The following OR5P3 variants were observed in gnomAD, a reference collection of about 807,000 sequenced individuals.
OR5P3 encodes olfactory receptor family 5 subfamily P member 3.
For synonymous variants in OR5P3, 172 were observed against 141.8 expected, an observed-to-expected ratio of 1.21 and a Z score of -1.51; for missense variants, 415 against 375.6, an observed-to-expected ratio of 1.10 and a Z score of -0.87.
At position 7,825,939 on chromosome 11, in the gene OR5P3, A is replaced by T. The variant is rs1229502677; in HGVS notation, c.34T>A (p.Phe12Ile). 3.8e-6 allele frequency: 6 copies of T among 1,584,552 alleles called. No individual in the cohort carries two copies. In the East Asian group the frequency reaches 1.3e-4, roughly 35 times the overall value. Residue 12 changes from phenylalanine (F) to isoleucine (I), a missense_variant, in exon 2 of 2, where the codon TTT (phenylalanine) becomes ATT (isoleucine). Transcript: ENST00000641167. ...TCCTCAGATAACCCCAAAAGAGTAA[A>T]CTCTACCACAGTGGTGTCATTTCCA... is the stretch of plus-strand genomic sequence containing the variant. Reference protein sequence around the residue: ...GTGNDTTVVEFTLLGLSEDTT... With the variant: ...GTGNDTTVVEITLLGLSEDTT...
rs1200066340 is a variant in OR5P3, at chr11:7,829,390, A to T, written c.-22+1434T>A. On this transcript the variant is annotated intron_variant, in intron 1 of 1. Transcript: ENST00000641167. ...CCTGAAGGAAATTAACTTTTATCTT[A>T]TTTTTTTTTTTACTACTCCAGTGCT... 4.7e-5 allele frequency among the ~76,000 whole-genome samples: 7 copies of T among 149,246 alleles called. No homozygotes were observed. The East Asian group carries it at 9.8e-4, about 21-fold the overall frequency.
At chr11:7,826,033 G>A in intron 1 of OR5P3, 40 bp from the exon 2 acceptor site, 2 of 914,736 alleles carry the variant, frequency 2.2e-6, no homozygotes, top group South Asian at 1.7e-5. Context: ...GGGATTAAAT[G>A]CTATAATTGC....
intron 1 of OR5P3, among the ~76,000 whole-genome samples, chr11:7,828,402 A>T (rs1407324132): frequency 6.6e-6 from 1 of 152,224 alleles, no homozygotes; most frequent in Admixed American, 6.5e-5. Context: ...CTCCAGCTGA[A>T]TAGAGATGGC....
intron 1 of OR5P3, among the ~76,000 whole-genome samples, chr11:7,826,879 G>A (rs1392733583): frequency 1.3e-5 from 2 of 152,118 alleles, no homozygotes; most frequent in Admixed American, 6.5e-5. Flanking sequence ...GTTGCTGTCT[G>A]AAAAAAATTG....
chr11:7,826,837 A>G (rs1857747635), intron 1 of OR5P3, among the ~76,000 whole-genome samples: 1 of 152,222 alleles, frequency 6.6e-6, no homozygotes, highest in East Asian at 1.9e-4. Context: ...CCAGCCTTCT[A>G]CAGAACACAA....
chr11:7,826,017 T>C, intron 1 of OR5P3, 24 bp from the exon 2 acceptor site: 1 of 1,052,968 alleles, frequency 9.5e-7, no homozygotes, highest in Middle Eastern at 2.2e-4. Context: ...AAATGAATAT[T>C]ATAATGGGAT....
At chr11:7,826,471 C>G (rs1438513700) in intron 1 of OR5P3, among the ~76,000 whole-genome samples, 1 of 152,188 alleles carries the variant, frequency 6.6e-6, no homozygotes, top group Non-Finnish European at 1.5e-5. Context: ...AGAGGTCAAA[C>G]AGATTAGCTG....
chr11:7,826,476 T>C (rs1857743346), intron 1 of OR5P3, among the ~76,000 whole-genome samples: 1 of 152,186 alleles, frequency 6.6e-6, no homozygotes, highest in African/African-American at 2.4e-5. Flanking sequence ...TCAAACAGAT[T>C]AGCTGCATGC....
intron 1 of OR5P3, among the ~76,000 whole-genome samples, chr11:7,827,590 G>A (rs191910594): frequency 2.0e-5 from 3 of 152,238 alleles, no homozygotes; most frequent in Admixed American, 2.0e-4. Flanking sequence ...GAGTACCTGA[G>A]ATGGGTAAAA....
At chr11:7,827,565 A>G (rs1288890223) in intron 1 of OR5P3, among the ~76,000 whole-genome samples, 1 of 152,180 alleles carries the variant, frequency 6.6e-6, no homozygotes, top group African/African-American at 2.4e-5. Context: ...CATTTAAGCT[A>G]GGCAAAGATG....
chr11:7,826,023 G>A (rs1857737746), intron 1 of OR5P3, 30 bp from the exon 2 acceptor site: 1 of 989,340 alleles, frequency 1.0e-6, no homozygotes, highest in South Asian at 1.6e-5. Context: ...ATATTATAAT[G>A]GGATTAAATG....
chr11:7,825,207 T>A lies in OR5P3; in HGVS notation c.766A>T (p.Thr256Ser). The A allele has an allele frequency of 6.2e-7, 1 of 1,612,698 alleles. No homozygotes were observed. The highest frequency in any genetic ancestry group is 8.5e-7 in the Non-Finnish European group (1 of 1,179,978). ...TAVTLFYGTI[T>S]FIYVMPKSSY... ...GACTTGGGCATCACATAAATGAAGG[T>A]AATGGTCCCATAGAACAGAGTGACT... Residue 256 changes from threonine to serine, a missense_variant, in exon 2 of 2, where the codon ACC (threonine) becomes TCC (serine). Physicochemically the swap from Thr to Ser is moderately conservative, Grantham distance 58 (BLOSUM62 1). Coordinates refer to ENST00000641167, the MANE Select transcript of OR5P3 (RefSeq NM_153445.2).
At position 7,825,159 on chromosome 11, in the gene OR5P3, T is replaced by C. The variant is rs142748567; in HGVS notation, c.814A>G (p.Lys272Glu). 1.2e-4 allele frequency: 189 copies of C among 1,607,460 alleles called. 13 individuals are homozygous for C. The African/African-American group carries it at 2.6e-3, about 22-fold the overall frequency. Residue 272 changes from lysine to glutamate, a missense_variant, in exon 2 of 2, where the codon AAG becomes GAG. Lys to Glu is a moderately conservative substitution (Grantham distance 56). Coordinates refer to ENST00000641167, the MANE Select transcript of OR5P3 (RefSeq NM_153445.2). ...ACGGTGTAGAACACAGACACCACCT[T>C]GTTCTGGTCAGTTGAGTAGCTGGAC... ...PKSSYSTDQN[K>E]VVSVFYTVVI... is the part of the protein sequence containing the mutation.
rs1857720864 is a variant in OR5P3 at position 7,825,281 on chromosome 11, G to A, written c.692C>T (p.Thr231Ile). ...GGAGAAGGCCTTGTGGCGGCCCTTGGTGGAGTGCATCTTCAGGATGGTGAT... is the reference window on the plus strand; with the variant it reads ...GGAGAAGGCCTTGTGGCGGCCCTTGATGGAGTGCATCTTCAGGATGGTGAT... The part of the protein sequence containing the change: ...ILITILKMHS[T>I]KGRHKAFSTC... Residue 231 changes from threonine (T) to isoleucine (I), a missense_variant, in exon 2 of 2, where the codon ACC becomes ATC. Coordinates refer to ENST00000641167, the MANE Select transcript of OR5P3 (RefSeq NM_153445.2). 1 of 1,613,074 alleles carries A rather than the reference G, an allele frequency of 6.2e-7. No homozygotes were observed. Among genetic ancestry groups the A allele is most frequent in the African/African-American group, 1.4e-5 (1 of 73,988 alleles).
rs777092731 is a variant in OR5P3, at chr11:7,825,806, T to A, written c.167A>T (p.His56Leu). Reference sequence around the variant, plus strand: ...GCAGAGGAAAATGTACATGGGTGTATGAAGATGATGACTTCTTCTGATCAA... The same window carrying A: ...GCAGAGGAAAATGTACATGGGTGTAAGAAGATGATGACTTCTTCTGATCAA... ...IVLIRRSHHL[H>L]TPMYIFLCHL... The change falls in exon 2 of 2, where the codon CAT becomes CTT. Residue 56 changes from histidine to leucine, a missense_variant. His to Leu is a moderately conservative substitution (Grantham distance 99). Coordinates refer to ENST00000641167, the MANE Select transcript of OR5P3 (RefSeq NM_153445.2). 3.7e-6 allele frequency: 6 copies of A among 1,613,210 alleles called. No homozygotes were observed. The highest frequency in any genetic ancestry group is 5.1e-6 in the Non-Finnish European group (6 of 1,180,018).
At chr11:7,826,831 C>T (rs780121648) in intron 1 of OR5P3, among the ~76,000 whole-genome samples, 12 of 152,158 alleles carry the variant, frequency 7.9e-5, no homozygotes, top group African/African-American at 1.2e-4. Flanking sequence ...AAGATTCCAG[C>T]CTTCTACAGA....
rs533954576 is a variant in OR5P3, at chr11:7,826,046, A to G, written c.-21-53T>C. 3.6e-4 allele frequency: 315 copies of G among 871,276 alleles called. 4 individuals are homozygous for G. In the South Asian group the frequency reaches 4.4e-3, roughly 12 times the overall value. The allele number at this position is 871,276 out of a possible 1,614,324, so 54.0% of individuals were successfully genotyped here. On this transcript the variant is annotated intron_variant, in intron 1 of 1. Coordinates refer to ENST00000641167, the MANE Select transcript of OR5P3 (RefSeq NM_153445.2). ...ATGGGATTAAATGCTATAATTGCAC[A>G]CTTATTTTTCCAATATCTATTTAAC...
At chr11:7,829,260 A>G (rs1427014922) in intron 1 of OR5P3, among the ~76,000 whole-genome samples, 1 of 152,190 alleles carries the variant, frequency 6.6e-6, no homozygotes, top group Non-Finnish European at 1.5e-5. Flanking sequence ...TGATACAGAA[A>G]TTCCATGTTG....
chr11:7,826,080 A>T (rs1278095867), intron 1 of OR5P3, 87 bp from the exon 2 acceptor site: 3 of 666,370 alleles, frequency 4.5e-6, no homozygotes, highest in Non-Finnish European at 7.4e-6. Flanking sequence ...ACCAAAAAGT[A>T]TAACAATTTA....
Sources: allele counts gnomAD v4.1 joint callset (sites outside exome capture counted in the v4.1 genomes callset), GRCh38; gene constraint gnomAD v4.1.1; transcripts MANE v1.5; gene names NCBI Gene and HGNC (gene_info 2026-07-23, HGNC 2026-07-21).